RSPO4: variants seen among roughly 807,000 people sequenced by gnomAD.
The protein encoded by RSPO4 is R-spondin 4.
A neutral mutation model predicts 24.8 loss-of-function variants in RSPO4; 23 were observed. That is an observed-to-expected ratio of 0.93 (90% CI 0.67 to 1.31). The LOEUF is 1.31. Among genes scored for constraint, RSPO4 ranks in the 40% most tolerant of loss-of-function variants. The pLI is 0.00. For missense variants in RSPO4, 333 were observed against 316.5 expected (o/e 1.05, Z -0.39); for synonymous variants, 141 against 127.4 (o/e 1.11, Z -0.72).
At chr20:972,361 C>T (rs550278506) in intron 1 of RSPO4, among the ~76,000 whole-genome samples, 3 of 152,226 alleles carry the variant, frequency 2.0e-5, no homozygotes, top group South Asian at 2.1e-4. Context: ...CCACAGCGCC[C>T]GGCTGGAACC....
chr20:984,147 C>T (rs1371627693), intron 1 of RSPO4, among the ~76,000 whole-genome samples: 3 of 151,910 alleles, frequency 2.0e-5, no homozygotes, highest in African/African-American at 4.8e-5. Flanking sequence ...ACCAGCCTGA[C>T]CAAGACGGTG....
intron 1 of RSPO4, among the ~76,000 whole-genome samples, chr20:988,448 A>G (rs1039237628): frequency 6.6e-6 from 1 of 152,208 alleles, no homozygotes; most frequent in Non-Finnish European, 1.5e-5. Context: ...GAGGGTGGAC[A>G]GACAAGCTCT....
At position 960,109 on chromosome 20, in the gene RSPO4, A is replaced by G. The variant is rs1983936604; in HGVS notation, c.*248T>C. The G allele has an allele frequency of 1.7e-6, 1 of 572,072 alleles. No homozygotes were observed. Among genetic ancestry groups the G allele is most frequent in the South Asian group, 2.1e-5 (1 of 46,920 alleles). 35.4% of individuals were successfully genotyped at this position (572,072 alleles called of 1,614,324 possible). ...GAAAAGGAAAGATAAAAGATAAGTG[A>G]GAAAGAAGAGGAAGGAAGGGAAGGA... is the stretch of plus-strand genomic sequence containing the variant. On this transcript the variant is annotated 3_prime_UTR_variant, in exon 5 of 5. Coordinates refer to ENST00000217260, the MANE Select transcript of RSPO4 (RefSeq NM_001029871.4).
chr20:992,803 C>G (rs1016324372), intron 1 of RSPO4, among the ~76,000 whole-genome samples: 4 of 152,192 alleles, frequency 2.6e-5, no homozygotes, highest in African/African-American at 9.7e-5. Context: ...TTGATGAGCA[C>G]TCCCTATGTA....
chr20:976,938 A>T (rs1984584257), intron 1 of RSPO4, among the ~76,000 whole-genome samples: 1 of 152,232 alleles, frequency 6.6e-6, no homozygotes, highest in African/African-American at 2.4e-5. Context: ...CTGCTGTCAC[A>T]GGGCAGTGAG....
At chr20:990,462 T>TTTCC (rs978734336) in intron 1 of RSPO4, among the ~76,000 whole-genome samples, 2 of 150,362 alleles carry the variant, frequency 1.3e-5, no homozygotes, top group Non-Finnish European at 2.9e-5. Flanking sequence ...CTCTTTTCTT[T>TTTCC]TTCCTTCCTT....
intron 3 of RSPO4, among the ~76,000 whole-genome samples, chr20:966,462 T>C (rs1022957372): frequency 7.9e-5 from 12 of 152,100 alleles, no homozygotes; most frequent in African/African-American, 2.9e-4. Flanking sequence ...TTTTTTTTTT[T>C]CTAACGTTTG....
chr20:971,811 C>T (rs1243634178), intron 1 of RSPO4, among the ~76,000 whole-genome samples: 1 of 152,132 alleles, frequency 6.6e-6, no homozygotes, highest in African/African-American at 2.4e-5. Context: ...ATAGTTCACC[C>T]TAAAAATGCA....
chr20:992,700 GCATGGCAGTAAC>G (rs1985150307), intron 1 of RSPO4, among the ~76,000 whole-genome samples: 4 of 152,128 alleles, frequency 2.6e-5, no homozygotes, highest in African/African-American at 9.7e-5. Context: ...TGTCACCCAA[GCATGGCAGTAAC>G]AGAACTGGGA....
intron 1 of RSPO4, among the ~76,000 whole-genome samples, chr20:992,053 G>A (rs1400893506): frequency 6.6e-6 from 1 of 152,240 alleles, no homozygotes; most frequent in East Asian, 1.9e-4. Context: ...GTAAAAGCAT[G>A]CCCGCAGGCA....
intron 3 of RSPO4, among the ~76,000 whole-genome samples, chr20:966,283 T>C (rs1600089251): frequency 4.6e-5 from 7 of 151,790 alleles, no homozygotes; most frequent in Admixed American, 4.6e-4. Flanking sequence ...CAGGCAGGAG[T>C]GTGACAAGGA....
At chr20:992,727 A>C (rs142214468) in intron 1 of RSPO4, among the ~76,000 whole-genome samples, 2 of 152,200 alleles carry the variant, frequency 1.3e-5, no homozygotes, top group East Asian at 1.9e-4. Context: ...CTGGGAGCTG[A>C]GCCCAGGACT....
At chr20:996,669 T>A (rs566550214) in intron 1 of RSPO4, among the ~76,000 whole-genome samples, 2 of 152,178 alleles carry the variant, frequency 1.3e-5, no homozygotes, top group African/African-American at 4.8e-5. Context: ...GGAACACCCA[T>A]CTCTGCTGTC....
At chr20:979,248 C>T (rs138541454) in intron 1 of RSPO4, among the ~76,000 whole-genome samples, 4,073 of 152,296 alleles carry the variant, frequency 0.027, 89 homozygotes, top group Middle Eastern at 0.12. Context: ...TGTTCCCCAT[C>T]TGCCAAGACC....
intron 1 of RSPO4, 27 bp from the exon 2 acceptor site, chr20:968,165 G>A (rs753465896): frequency 1.2e-6 from 2 of 1,606,282 alleles, no homozygotes; most frequent in Non-Finnish European, 8.5e-7. Flanking sequence ...GGCAGAAGGA[G>A]GGGGAAAGGG....
In RSPO4 at chr20:959,127, C is replaced by CAGTGTGGTGGTGGGTGTGGGGG. The variant is rs1983896404; in HGVS notation, c.*1229_*1230insCCCCCACACCCACCACCACACT. On this transcript the variant is annotated 3_prime_UTR_variant, in exon 5 of 5. Transcript: ENST00000217260. ...GGGGAGTGTGGTGGTGGGTGTGGGG[C>CAGTGTGGTGGTGGGTGTGGGGG]AGTGTGGTGGTGGGTGTGGGCGAGT... The CAGTGTGGTGGTGGGTGTGGGGG allele has an allele frequency of 4.2e-5, 5 of 119,660 alleles. No individual in the cohort carries two copies. The highest frequency in any genetic ancestry group is 9.1e-5 in the Non-Finnish European group (5 of 54,930). 7.4% of individuals were successfully genotyped at this position (119,660 alleles called of 1,614,324 possible).
At chr20:977,490 A>C (rs768673437) in intron 1 of RSPO4, among the ~76,000 whole-genome samples, 1 of 152,124 alleles carries the variant, frequency 6.6e-6, no homozygotes, top group Non-Finnish European at 1.5e-5. Context: ...GCTGACAGTC[A>C]AGCGGGTCTC....
rs141602977 is a variant in RSPO4 at position 965,769 on chromosome 20, A to G, written c.409+1405T>C. ...CAAAGTTCTTCCTACCACCCAAAAT[A>G]TTATGCATTTGTTCTCAGGTGTCGC... On this transcript the variant is annotated intron_variant, in intron 3 of 4. Transcript: ENST00000217260. 3.3e-4 allele frequency among the ~76,000 whole-genome samples: 50 copies of G among 152,238 alleles called. No individual in the cohort carries two copies. In the East Asian group the frequency reaches 9.7e-3, roughly 29 times the overall value.
chr20:964,156 A>G, intron 3 of RSPO4, 36 bp from the exon 4 acceptor site: 1 of 1,556,880 alleles, frequency 6.4e-7, no homozygotes, highest in Non-Finnish European at 8.8e-7. Flanking sequence ...AGACAGACAG[A>G]CAGGGTCAGC....
Sources: allele counts gnomAD v4.1 joint callset (sites outside exome capture counted in the v4.1 genomes callset), GRCh38; gene constraint gnomAD v4.1.1; transcripts MANE v1.5; gene names NCBI Gene and HGNC (gene_info 2026-07-23, HGNC 2026-07-21).